RBM20: variants seen among roughly 807,000 people sequenced by gnomAD.
RBM20 encodes the protein RNA-binding protein 20.
Under a neutral mutation model 110.1 loss-of-function variants are expected in RBM20, and 51 were observed. The observed-to-expected ratio is 0.46, with a 90% CI of 0.37 to 0.59. RBM20 has a LOEUF of 0.59. Among genes scored for constraint, RBM20 ranks in the 20% least tolerant of loss-of-function variants. RBM20 has a pLI of 0.00. For missense variants in RBM20, 1,512 were observed against 1,574.9 expected (o/e 0.96, Z 0.68); for synonymous variants, 589 against 618.2 (o/e 0.95, Z 0.70).
At chr10:110,677,418 A>G (rs915379632) in intron 1 of RBM20, among the ~76,000 whole-genome samples, 26 of 151,888 alleles carry the variant, frequency 1.7e-4, no homozygotes, top group African/African-American at 6.3e-4. Context: ...TCCTGGGTTC[A>G]CGCCATTCTC....
chr10:110,669,818 T>C (rs895112647), intron 1 of RBM20, among the ~76,000 whole-genome samples: 1 of 152,096 alleles, frequency 6.6e-6, no homozygotes. Flanking sequence ...GTGGCAAGAG[T>C]TGTACATTGA....
chr10:110,833,227 A>G (rs185755993), intron 13 of RBM20, among the ~76,000 whole-genome samples: 169 of 151,880 alleles, frequency 1.1e-3, no homozygotes, highest in African/African-American at 4.0e-3. Context: ...CGTCTCTACT[A>G]AAAATACAAA....
chr10:110,748,667 C>T (rs1843815274), intron 1 of RBM20, among the ~76,000 whole-genome samples: 1 of 151,030 alleles, frequency 6.6e-6, no homozygotes, highest in African/African-American at 2.4e-5. Context: ...GTTATATCTT[C>T]TCTCTCTCTC....
At chr10:110,727,710 T>C (rs1265560919) in intron 1 of RBM20, among the ~76,000 whole-genome samples, 1 of 152,242 alleles carries the variant, frequency 6.6e-6, no homozygotes, top group African/African-American at 2.4e-5. Context: ...GGTATACATG[T>C]GCTATGGTGG....
chr10:110,810,281 C>A, intron 7 of RBM20, 102 bp from the exon 8 acceptor site: 1 of 827,884 alleles, frequency 1.2e-6, no homozygotes, highest in Non-Finnish European at 2.0e-6. Flanking sequence ...TATTTTTTCC[C>A]TTTTGGTGGA....
At chr10:110,792,734 G>A (rs1844500227) in intron 5 of RBM20, among the ~76,000 whole-genome samples, 1 of 152,192 alleles carries the variant, frequency 6.6e-6, no homozygotes, top group African/African-American at 2.4e-5. Flanking sequence ...AGCCACCGTG[G>A]CAGCAGAATT....
rs551700355 is a variant in RBM20 at position 110,791,007 on chromosome 10, G to A, written c.1527+6118G>A. Among the ~76,000 whole-genome samples, 29 of 152,296 alleles carry A rather than the reference G, an allele frequency of 1.9e-4. No homozygotes were observed. In the East Asian group the frequency reaches 4.2e-3, roughly 22 times the overall value. ...TAAACAGGTGAATCGTCCAAGATCC[G>A]TAGGCAATCCTATGGATTTACCAGT... On this transcript the variant is annotated intron_variant, in intron 5 of 13. Transcript: ENST00000369519.
At chr10:110,738,119 G>T (rs1204497177) in intron 1 of RBM20, among the ~76,000 whole-genome samples, 1 of 152,172 alleles carries the variant, frequency 6.6e-6, no homozygotes, top group Non-Finnish European at 1.5e-5. Flanking sequence ...AAGGTAAGGT[G>T]GTGTGATTGC....
At chr10:110,722,436 C>T (rs1237791512) in intron 1 of RBM20, among the ~76,000 whole-genome samples, 4 of 152,060 alleles carry the variant, frequency 2.6e-5, no homozygotes, top group East Asian at 3.9e-4. Flanking sequence ...ACTCAGAGTC[C>T]GTAGTTTACA....
rs1025854365 is a variant in RBM20 at position 110,673,081 on chromosome 10, T to C, written c.191+28436T>C. On this transcript the variant is annotated intron_variant, in intron 1 of 13. Transcript: ENST00000369519. ...TTATTTTCATTAAAAAATTCTGCAG[T>C]AAACATCTTTCTGGCTAAAACTTGT... 2.0e-5 allele frequency among the ~76,000 whole-genome samples: 3 copies of C among 152,226 alleles called. No homozygotes were observed. The East Asian group carries it at 5.8e-4, about 29-fold the overall frequency.
intron 1 of RBM20, among the ~76,000 whole-genome samples, chr10:110,697,390 T>G (rs1862681497): frequency 6.6e-6 from 1 of 152,214 alleles, no homozygotes; most frequent in Admixed American, 6.5e-5. Flanking sequence ...TTAAATATGG[T>G]TTTGTTTCTT....
chr10:110,689,972 CAATGCTTA>C (rs1314168831), intron 1 of RBM20, among the ~76,000 whole-genome samples: 2 of 152,070 alleles, frequency 1.3e-5, no homozygotes, highest in African/African-American at 4.8e-5. Context: ...GGGAATGAAA[CAATGCTTA>C]AATAGGGCCT....
At chr10:110,765,265 T>C (rs1160002869) in intron 1 of RBM20, among the ~76,000 whole-genome samples, 1 of 152,040 alleles carries the variant, frequency 6.6e-6, no homozygotes, top group African/African-American at 2.4e-5. Context: ...TGCTTTGTGT[T>C]AATTGCTGGA....
chr10:110,770,717 T>C (rs985674922), intron 1 of RBM20, among the ~76,000 whole-genome samples: 1 of 152,270 alleles, frequency 6.6e-6, no homozygotes, highest in African/African-American at 2.4e-5. Flanking sequence ...TTGAATTTTA[T>C]AACTGTCTTT....
rs535022631 is a variant in RBM20, at chr10:110,810,816, C to T, written c.1880+354C>T. ...ATGCGTGTGTGTGTGTGTGTGTGTG[C>T]GTGTGTGCGTGTGTGTGTGCATGTG... On this transcript the variant is annotated intron_variant, in intron 8 of 13. Transcript: ENST00000369519. Among the ~76,000 whole-genome samples, 185 of 140,692 alleles carry T rather than the reference C, an allele frequency of 1.3e-3. 3 individuals are homozygous for T. The highest frequency in any genetic ancestry group is 4.2e-3 in the African/African-American group (159 of 38,180). The allele number at this position is 140,692 out of a possible 152,430, so 92.3% of individuals were successfully genotyped here.
Position 110,836,212 on chromosome 10 carries a change from T to C in RBM20, c.*234T>C, listed in dbSNP as rs553497591. 1.8e-4 allele frequency: 62 copies of C among 342,778 alleles called. 1 individual carries two copies. In the South Asian group the frequency reaches 7.6e-3, roughly 42 times the overall value. The allele number at this position is 342,778 out of a possible 1,614,324, so 21.2% of individuals were successfully genotyped here. A position where few individuals can be genotyped will look rare whatever the true frequency, so the allele number is the denominator to read the frequency against. On this transcript the variant is annotated 3_prime_UTR_variant, in exon 14 of 14. Coordinates refer to ENST00000369519, the MANE Select transcript of RBM20 (RefSeq NM_001134363.3). ...TGAGGGTCACCAACTCTCTCCCTGC[T>C]GACTCTTGTTTCTCTCAATCTTTCA...
chr10:110,758,987 A>G (rs1843958431), intron 1 of RBM20, among the ~76,000 whole-genome samples: 1 of 152,222 alleles, frequency 6.6e-6, no homozygotes, highest in Admixed American at 6.5e-5. Flanking sequence ...GAGAACCTAC[A>G]AAGGAATAAC....
Position 110,837,069 on chromosome 10 carries a change from G to A in RBM20, c.*1091G>A, listed in dbSNP as rs1185801133. On this transcript the variant is annotated 3_prime_UTR_variant, in exon 14 of 14. Transcript: ENST00000369519. ...CCTCACAGTAGGATGGTTTTTAAATGGCCCCCCAGTTGGGGGAGAAGCTAA... is the reference window on the plus strand; with the variant it reads ...CCTCACAGTAGGATGGTTTTTAAATAGCCCCCCAGTTGGGGGAGAAGCTAA... 1 of 152,260 alleles carries A rather than the reference G, an allele frequency of 6.6e-6. No individual in the cohort carries two copies. Among genetic ancestry groups the A allele is most frequent in the Non-Finnish European group, 1.5e-5 (1 of 68,078 alleles). The allele number at this position is 152,260 out of a possible 1,614,324, so 9.4% of individuals were successfully genotyped here. A position where few individuals can be genotyped will look rare whatever the true frequency, so the allele number is the denominator to read the frequency against.
intron 1 of RBM20, among the ~76,000 whole-genome samples, chr10:110,736,018 T>C (rs1326427979): frequency 6.6e-6 from 1 of 152,108 alleles, no homozygotes; most frequent in African/African-American, 2.4e-5. Flanking sequence ...AACCAACCCT[T>C]CCACACGCCA....
Sources: gnomAD v4.1 joint callset for allele counts (sites outside exome capture counted in the v4.1 genomes callset) on GRCh38, gnomAD v4.1.1 for gene constraint, MANE v1.5 for transcripts, NCBI Gene and HGNC (gene_info 2026-07-23, HGNC 2026-07-21) for gene names.